GPHN: variants seen among roughly 807,000 people sequenced by gnomAD.
GPHN encodes the protein gephyrin.
A neutral mutation model predicts 95.5 loss-of-function variants in GPHN; 17 were observed. That is an observed-to-expected ratio of 0.18 (90% CI 0.12 to 0.27). The LOEUF (loss-of-function observed/expected upper bound fraction) is 0.27, where lower values mean the gene tolerates loss of function less well. Ranked by LOEUF, GPHN falls within the 10% of genes least tolerant of loss-of-function variation. The pLI is 1.00. For missense variants in GPHN, 660 were observed against 978.1 expected, an observed-to-expected ratio of 0.67 and a Z score of 4.34; for synonymous variants, 320 against 322.5, an observed-to-expected ratio of 0.99 and a Z score of 0.08.
intron 4 of GPHN, among the ~76,000 whole-genome samples, chr14:66,859,527 G>A (rs894634292): frequency 5.3e-5 from 8 of 152,154 alleles, no homozygotes; most frequent in South Asian, 2.1e-4. Context: ...CCCAGATTGC[G>A]AAAGCTAATA....
chr14:67,692,484 C>G, the GPHN span: 1 of 1,614,130 alleles, frequency 6.2e-7, no homozygotes, highest in Non-Finnish European at 8.5e-7. Context: ...TAGTATCAGA[C>G]AGGTCCAGTT....
chr14:67,008,405 G>A (rs143459292), intron 9 of GPHN, among the ~76,000 whole-genome samples: 1,813 of 151,196 alleles, frequency 0.012, 19 homozygotes, highest in Non-Finnish European at 0.018. Flanking sequence ...GCAGTGAGCC[G>A]AGATCGCTCC....
At chr14:66,528,915 C>T (rs1277175925) in intron 1 of GPHN, among the ~76,000 whole-genome samples, 1 of 152,108 alleles carries the variant, frequency 6.6e-6, no homozygotes, top group Non-Finnish European at 1.5e-5. Flanking sequence ...TCATTTCAAC[C>T]TCAGTGAATC....
chr14:66,909,749 A>T (rs929182139), intron 5 of GPHN, among the ~76,000 whole-genome samples: 3 of 151,974 alleles, frequency 2.0e-5, no homozygotes, highest in Non-Finnish European at 2.9e-5. Context: ...GTCCAAGTAT[A>T]CTTCTGTCCA....
chr14:67,069,567 T>G (rs2076200036), intron 11 of GPHN, among the ~76,000 whole-genome samples: 1 of 152,256 alleles, frequency 6.6e-6, no homozygotes, highest in Admixed American at 6.5e-5. Context: ...AAAGGTTCCT[T>G]GACTAGAACT....
the GPHN span, among the ~76,000 whole-genome samples, chr14:67,687,724 G>A: frequency 6.6e-6 from 1 of 151,248 alleles, no homozygotes; most frequent in South Asian, 2.1e-4. Flanking sequence ...ACCCACCTCA[G>A]CCTCCCAAAT....
At chr14:66,677,137 A>T (rs1046786472) in intron 1 of GPHN, among the ~76,000 whole-genome samples, 9 of 151,818 alleles carry the variant, frequency 5.9e-5, no homozygotes, top group South Asian at 2.1e-4. Flanking sequence ...GTAATGTCTC[A>T]TTTTTTATTT....
At chr14:67,256,093 T>C in the GPHN span, among the ~76,000 whole-genome samples, 1 of 144,718 alleles carries the variant, frequency 6.9e-6, no homozygotes, top group Non-Finnish European at 1.5e-5. Flanking sequence ...AAGCAACACA[T>C]ACTTTTTTTG....
intron 5 of GPHN, among the ~76,000 whole-genome samples, chr14:66,912,524 ATAAAC>A (rs1252282711): frequency 1.3e-5 from 2 of 152,196 alleles, no homozygotes; most frequent in Admixed American, 6.6e-5. Flanking sequence ...ATGAGAGAAA[ATAAAC>A]TAAGAATGAG....
chr14:66,626,281 A>C (rs12588647), intron 1 of GPHN, among the ~76,000 whole-genome samples: 1 of 152,178 alleles, frequency 6.6e-6, no homozygotes, highest in East Asian at 1.9e-4. Context: ...TAAGTGCATA[A>C]AAGTTATTCT....
At chr14:67,251,456 G>C in the GPHN span, among the ~76,000 whole-genome samples, 1 of 152,042 alleles carries the variant, frequency 6.6e-6, no homozygotes, top group Non-Finnish European at 1.5e-5. Flanking sequence ...TTTCTTGAGT[G>C]TGGGAGGTTG....
chr14:67,665,245 A>G, the GPHN span, among the ~76,000 whole-genome samples: 1 of 148,848 alleles, frequency 6.7e-6, no homozygotes, highest in African/African-American at 2.5e-5. Context: ...AACAGCATCT[A>G]ATGTCAGTTA....
chr14:67,591,238 C>T, the GPHN span, among the ~76,000 whole-genome samples: 1 of 152,102 alleles, frequency 6.6e-6, no homozygotes, highest in Non-Finnish European at 1.5e-5. Flanking sequence ...AATGCCTTTA[C>T]CTACATATTA....
chr14:67,523,093 G>A, the GPHN span, among the ~76,000 whole-genome samples: 2 of 152,202 alleles, frequency 1.3e-5, no homozygotes, highest in Non-Finnish European at 2.9e-5. Context: ...GGGAGGCCAA[G>A]GCAGGTGGAT....
chr14:66,529,146 T>C (rs1226072540), intron 1 of GPHN, among the ~76,000 whole-genome samples: 1 of 152,166 alleles, frequency 6.6e-6, no homozygotes, highest in African/African-American at 2.4e-5. Flanking sequence ...CCATATTTCT[T>C]GGAGGCTTTG....
chr14:67,579,912 C>G, the GPHN span: 1 of 1,555,858 alleles, frequency 6.4e-7, no homozygotes, highest in Non-Finnish European at 8.7e-7. Context: ...GAGCCCCTCC[C>G]TGCTCAGGGA....
At chr14:66,694,953 T>C (rs1642053471) in intron 2 of GPHN, among the ~76,000 whole-genome samples, 1 of 151,674 alleles carries the variant, frequency 6.6e-6, no homozygotes, top group Admixed American at 6.6e-5. Flanking sequence ...AGGTCAGGAG[T>C]TCATGACCAA....
the GPHN span, among the ~76,000 whole-genome samples, chr14:67,705,690 G>A: frequency 2.0e-5 from 3 of 152,244 alleles, no homozygotes; most frequent in South Asian, 4.1e-4. Flanking sequence ...TTAAAATGTT[G>A]ACATTTGGGG....
chr14:66,918,486 G>A (rs2066027046), intron 6 of GPHN, among the ~76,000 whole-genome samples: 1 of 152,046 alleles, frequency 6.6e-6, no homozygotes, highest in Admixed American at 6.6e-5. Flanking sequence ...CTTTTATGCA[G>A]GTGCAAAAAA....
Sources: gnomAD v4.1 joint callset for allele counts (sites outside exome capture counted in the v4.1 genomes callset) on GRCh38, gnomAD v4.1.1 for gene constraint, MANE v1.5 for transcripts, NCBI Gene and HGNC (gene_info 2026-07-23, HGNC 2026-07-21) for gene names.